The following NR2F1-AS1 variants were observed in gnomAD, a reference collection of about 807,000 sequenced individuals.
NR2F1-AS1 encodes NR2F1 regulatory antisense RNA 1, also known as NR2F1 antisense RNA 1.
intron 4 of NR2F1-AS1, among the ~76,000 whole-genome samples, chr5:93,526,835 T>C (rs1215896949): frequency 6.6e-6 from 1 of 152,142 alleles, no homozygotes; most frequent in Non-Finnish European, 1.5e-5. Flanking sequence ...TAGGTATTGA[T>C]GGAACGTATC....
chr5:93,535,133 C>T (rs1011854635), intron 4 of NR2F1-AS1, among the ~76,000 whole-genome samples: 1 of 148,184 alleles, frequency 6.7e-6, no homozygotes, highest in African/African-American at 2.5e-5. Context: ...TATCCTTAAA[C>T]AGAATGAGAG....
At chr5:93,497,417 T>C (rs191663155) in intron 4 of NR2F1-AS1, among the ~76,000 whole-genome samples, 109 of 152,308 alleles carry the variant, frequency 7.2e-4, no homozygotes, top group Admixed American at 2.2e-3. Flanking sequence ...GCTGTCAATC[T>C]TTCCATTAGC....
intron 4 of NR2F1-AS1, among the ~76,000 whole-genome samples, chr5:93,480,506 T>G (rs1750578246): frequency 6.6e-6 from 1 of 152,144 alleles, no homozygotes; most frequent in Non-Finnish European, 1.5e-5. Flanking sequence ...AAGGAATTCT[T>G]CAGGCTGAAA....
chr5:93,557,740 C>A (rs930950123), intron 2 of NR2F1-AS1, among the ~76,000 whole-genome samples: 10 of 152,072 alleles, frequency 6.6e-5, no homozygotes, highest in Admixed American at 5.9e-4. Context: ...ATAAAGTTTG[C>A]CCCATTGATT....
Position 93,573,836 on chromosome 5 carries a change from A to G in NR2F1-AS1, n.313+6631T>C, listed in dbSNP as rs141834602. Among the ~76,000 whole-genome samples the G allele has an allele frequency of 5.4e-3, 824 of 152,248 alleles. 3 individuals carry two copies. Among genetic ancestry groups the G allele is most frequent in the Non-Finnish European group, 9.4e-3 (641 of 67,996 alleles). On this transcript the variant is annotated intron_variant and non_coding_transcript_variant, in intron 1 of 5. Coordinates refer to ENST00000660523, the Ensembl canonical transcript of NR2F1-AS1. ...ATCACGCCAACCTGGGCAGGAGAGA[A>G]TGTGCAAGGGGCTGGGGCGGCTTAC...
chr5:93,422,314 C>A (rs1002052479), intron 4 of NR2F1-AS1: 2 of 152,318 alleles, frequency 1.3e-5, no homozygotes, highest in African/African-American at 4.8e-5. Flanking sequence ...GCTCACCTCT[C>A]GGGTTCCCGA....
At chr5:93,492,271 A>G (rs183354792) in intron 4 of NR2F1-AS1, among the ~76,000 whole-genome samples, 14 of 152,326 alleles carry the variant, frequency 9.2e-5, no homozygotes, top group African/African-American at 3.4e-4. Context: ...TAACAGATCT[A>G]AAGAAAAAAC....
intron 1 of NR2F1-AS1, among the ~76,000 whole-genome samples, chr5:93,565,320 T>C (rs1401104257): frequency 6.6e-6 from 1 of 152,122 alleles, no homozygotes; most frequent in African/African-American, 2.4e-5. Context: ...GTGAGGACAC[T>C]AAAACAGAGA....
intron 4 of NR2F1-AS1, among the ~76,000 whole-genome samples, chr5:93,483,870 A>G (rs556573646): frequency 1.3e-5 from 2 of 152,332 alleles, no homozygotes; most frequent in East Asian, 3.9e-4. Context: ...GATCAACTCA[A>G]TGAAATAAAC....
intron 4 of NR2F1-AS1, among the ~76,000 whole-genome samples, chr5:93,531,519 C>T (rs146155965): frequency 1.8e-3 from 275 of 152,234 alleles, no homozygotes; most frequent in African/African-American, 6.3e-3. Flanking sequence ...TTTCTTTTCC[C>T]GTTGAACTGG....
At chr5:93,577,083 C>T (rs1004650128) in intron 1 of NR2F1-AS1, among the ~76,000 whole-genome samples, 1 of 152,196 alleles carries the variant, frequency 6.6e-6, no homozygotes, top group Non-Finnish European at 1.5e-5. Flanking sequence ...GAATGATTGT[C>T]ACTTTTCCTC....
intron 4 of NR2F1-AS1, among the ~76,000 whole-genome samples, chr5:93,530,710 A>G (rs1332618372): frequency 2.6e-5 from 4 of 152,336 alleles, no homozygotes; most frequent in Middle Eastern, 6.8e-3. Context: ...AATGACGGAC[A>G]TGCCTAATTT....
At chr5:93,460,101 TA>T (rs968744272) in intron 4 of NR2F1-AS1, among the ~76,000 whole-genome samples, 5 of 150,598 alleles carry the variant, frequency 3.3e-5, no homozygotes, top group African/African-American at 7.3e-5. Context: ...CAAACATCTT[TA>T]AAAAAAAAAT....
At chr5:93,484,515 C>A (rs1396434582) in intron 4 of NR2F1-AS1, among the ~76,000 whole-genome samples, 1 of 152,092 alleles carries the variant, frequency 6.6e-6, no homozygotes, top group African/African-American at 2.4e-5. Flanking sequence ...TGGTAAAGAC[C>A]ATTGACACTA....
At chr5:93,423,876 T>C (rs1258666246) in intron 4 of NR2F1-AS1, among the ~76,000 whole-genome samples, 1 of 152,128 alleles carries the variant, frequency 6.6e-6, no homozygotes, top group Non-Finnish European at 1.5e-5. Flanking sequence ...TCTGTAAAAT[T>C]ATCGTCTCTT....
chr5:93,542,038 T>C (rs911399549), intron 4 of NR2F1-AS1: 1 of 151,100 alleles, frequency 6.6e-6, no homozygotes, highest in Admixed American at 6.7e-5. Context: ...TTTAAAGTTT[T>C]GACATTTTAT....
chr5:93,481,416 G>T (rs1750596754), intron 4 of NR2F1-AS1, among the ~76,000 whole-genome samples: 1 of 151,896 alleles, frequency 6.6e-6, no homozygotes, highest in Admixed American at 6.6e-5. Flanking sequence ...CTAGAAGACA[G>T]GACAATTATA....
At chr5:93,468,196 T>C (rs1363022597) in intron 4 of NR2F1-AS1, among the ~76,000 whole-genome samples, 1 of 152,188 alleles carries the variant, frequency 6.6e-6, no homozygotes. Flanking sequence ...GGTCAAATGG[T>C]ATTTCTAGTT....
intron 4 of NR2F1-AS1, among the ~76,000 whole-genome samples, chr5:93,491,144 G>A (rs969681865): frequency 6.6e-6 from 1 of 151,448 alleles, no homozygotes; most frequent in African/African-American, 2.4e-5. Context: ...CCCGGTAATG[G>A]TGGTGTTTAT....
Sources: gnomAD v4.1 joint callset for allele counts (sites outside exome capture counted in the v4.1 genomes callset) on GRCh38, gnomAD v4.1.1 for gene constraint, MANE v1.5 for transcripts, NCBI Gene and HGNC (gene_info 2026-07-23, HGNC 2026-07-21) for gene names.